The following MLLT3 variants were observed in gnomAD, a reference collection of about 807,000 sequenced individuals.
MLLT3 encodes MLLT3 super elongation complex subunit, also known as protein AF-9.
MLLT3 carries 4 observed loss-of-function variants against 53.2 expected under a neutral mutation model. The observed-to-expected ratio is 0.08, with a 90% CI of 0.04 to 0.17. The LOEUF (loss-of-function observed/expected upper bound fraction) is 0.17, where lower values mean the gene tolerates loss of function less well. Ranked by LOEUF, MLLT3 falls within the 10% of genes least tolerant of loss-of-function variation. The probability of loss-of-function intolerance (pLI) is 1.00; values close to 1 mark genes in which losing one functional copy is unlikely to be tolerated. For synonymous variants in MLLT3, 283 were observed against 230.6 expected (o/e 1.23, Z -2.06); for missense variants, 569 against 684.0 (o/e 0.83, Z 1.87).
At chr9:20,511,259 TA>T (rs75800263) in intron 2 of MLLT3, among the ~76,000 whole-genome samples, 2 of 151,894 alleles carry the variant, frequency 1.3e-5, no homozygotes, top group African/African-American at 2.4e-5. Flanking sequence ...TTTTGTAATT[TA>T]AAAAAAACTT....
chr9:20,621,871 T>A lies in MLLT3; in HGVS notation c.12+374A>T. ...CAGCTCCCGGCGGCGGCGGCTGAAATATGGCTGAGTTATTATTCGCCTCCT... is the reference window on the plus strand; with the variant it reads ...CAGCTCCCGGCGGCGGCGGCTGAAAAATGGCTGAGTTATTATTCGCCTCCT... On this transcript the variant is annotated intron_variant, in intron 1 of 10. Transcript: ENST00000380338. This position sits in a 1 kb window ranked among gnomAD's most constrained non-coding sequence, Gnocchi z 7.0. 5 of 1,372,822 alleles carry A rather than the reference T, an allele frequency of 3.6e-6. No individual in the cohort carries two copies. Among genetic ancestry groups the A allele is most frequent in the Non-Finnish European group, 4.7e-6 (5 of 1,071,760 alleles). 85.0% of individuals were successfully genotyped at this position (1,372,822 alleles called of 1,614,324 possible). A position where few individuals can be genotyped will look rare whatever the true frequency, so the allele number is the denominator to read the frequency against.
intron 2 of MLLT3, among the ~76,000 whole-genome samples, chr9:20,566,585 T>C (rs1819383714): frequency 1.3e-5 from 2 of 152,260 alleles, no homozygotes; most frequent in South Asian, 4.1e-4. Context: ...CTGTGCACTC[T>C]ATAAGAGCAA....
intron 2 of MLLT3, among the ~76,000 whole-genome samples, chr9:20,554,743 T>C (rs1004519578): frequency 6.6e-6 from 1 of 152,216 alleles, no homozygotes; most frequent in African/African-American, 2.4e-5. Context: ...TCTCCCATAA[T>C]ATACTTAGTA....
intron 2 of MLLT3, among the ~76,000 whole-genome samples, chr9:20,519,786 T>A (rs1818013483): frequency 6.6e-6 from 1 of 152,200 alleles, no homozygotes; most frequent in South Asian, 2.1e-4. Context: ...GAAGACAGTG[T>A]GGTGATTCCT....
intron 2 of MLLT3, among the ~76,000 whole-genome samples, chr9:20,490,899 A>G (rs1210503618): frequency 6.6e-6 from 1 of 152,168 alleles, no homozygotes; most frequent in Non-Finnish European, 1.5e-5. Flanking sequence ...TAATGACTAG[A>G]GTGGTTTACT....
At chr9:20,575,856 A>G (rs896876246) in intron 2 of MLLT3, among the ~76,000 whole-genome samples, 1 of 152,230 alleles carries the variant, frequency 6.6e-6, no homozygotes, top group Non-Finnish European at 1.5e-5. Flanking sequence ...ACTGGCTTCA[A>G]CTAAAAGTCA....
At chr9:20,382,836 T>C (rs189489044) in intron 5 of MLLT3, among the ~76,000 whole-genome samples, 15 of 152,088 alleles carry the variant, frequency 9.9e-5, no homozygotes, top group Admixed American at 2.6e-4. Flanking sequence ...TGCAGGGTTT[T>C]ATGAAGTACA....
chr9:20,351,974 C>G (rs1005449235), intron 10 of MLLT3, among the ~76,000 whole-genome samples: 3 of 152,220 alleles, frequency 2.0e-5, no homozygotes, highest in African/African-American at 7.2e-5. Context: ...ATGCTGTGTG[C>G]CCTGGAGTGC....
chr9:20,386,664 C>A (rs1372264931), intron 5 of MLLT3, among the ~76,000 whole-genome samples: 2 of 152,168 alleles, frequency 1.3e-5, no homozygotes, highest in Non-Finnish European at 2.9e-5. Flanking sequence ...TGGAATGAGA[C>A]AGCCAAGTGA....
In MLLT3 at chr9:20,622,439, A is replaced by C. The variant is rs1587142617; in HGVS notation, c.-183T>G. 4 of 560,222 alleles carry C rather than the reference A, an allele frequency of 7.1e-6. No individual in the cohort carries two copies. In the East Asian group the frequency reaches 1.3e-4, roughly 18 times the overall value. 34.7% of individuals were successfully genotyped at this position (560,222 alleles called of 1,614,324 possible). On this transcript the variant is annotated 5_prime_UTR_variant, in exon 1 of 11. Coordinates refer to ENST00000380338, the MANE Select transcript of MLLT3 (RefSeq NM_004529.4). Reference sequence around the variant, plus strand: ...GCTTGCTCGCTCGCTCGCTTATTAAACTCAGCCCCAAAAGCAAAAGCAGCA... The same window carrying C: ...GCTTGCTCGCTCGCTCGCTTATTAACCTCAGCCCCAAAAGCAAAAGCAGCA...
chr9:20,362,669 T>C (rs1398012794), intron 7 of MLLT3: 1 of 149,918 alleles, frequency 6.7e-6, no homozygotes, highest in African/African-American at 2.5e-5. Flanking sequence ...CATTGGCAAT[T>C]AGGAAGCATC....
intron 3 of MLLT3, among the ~76,000 whole-genome samples, chr9:20,451,862 C>T (rs1823847194): frequency 6.6e-6 from 1 of 152,172 alleles, no homozygotes; most frequent in South Asian, 2.1e-4. Flanking sequence ...TTCAGTGTCC[C>T]TGTTGGTTTA....
intron 5 of MLLT3, among the ~76,000 whole-genome samples, chr9:20,400,400 T>TA (rs1208257957): frequency 4.6e-5 from 7 of 152,172 alleles, no homozygotes; most frequent in Admixed American, 6.6e-5. Flanking sequence ...GAAAAAAACT[T>TA]ACGATATTTT....
At chr9:20,549,535 C>T (rs1818874566) in intron 2 of MLLT3, among the ~76,000 whole-genome samples, 1 of 152,166 alleles carries the variant, frequency 6.6e-6, no homozygotes, top group Admixed American at 6.5e-5. Context: ...CTCTAGAAAG[C>T]AGGTACTTTA....
intron 2 of MLLT3, among the ~76,000 whole-genome samples, chr9:20,476,552 T>G (rs1824526163): frequency 6.6e-6 from 1 of 151,894 alleles, no homozygotes; most frequent in Admixed American, 6.6e-5. Flanking sequence ...AATTCAAAAA[T>G]AAATGGTAAT....
intron 2 of MLLT3, among the ~76,000 whole-genome samples, chr9:20,503,634 G>C (rs369225581): frequency 5.5e-4 from 83 of 152,158 alleles, no homozygotes; most frequent in African/African-American, 2.0e-3. Context: ...ATTATTCTGG[G>C]TGATGATTCT....
intron 2 of MLLT3, among the ~76,000 whole-genome samples, chr9:20,500,602 A>G (rs1825198470): frequency 1.3e-5 from 2 of 152,234 alleles, no homozygotes; most frequent in Admixed American, 1.3e-4. Context: ...TCCCTGGGGC[A>G]TCAAGAACTA....
intron 4 of MLLT3, among the ~76,000 whole-genome samples, chr9:20,441,111 T>C (rs1823538963): frequency 6.6e-6 from 1 of 152,200 alleles, no homozygotes; most frequent in African/African-American, 2.4e-5. Flanking sequence ...GCTTAGTTTA[T>C]GCAGTAATGG....
chr9:20,499,157 T>C (rs1825156155), intron 2 of MLLT3, among the ~76,000 whole-genome samples: 1 of 152,300 alleles, frequency 6.6e-6, no homozygotes, highest in Middle Eastern at 3.4e-3. Context: ...CCTCTGTATC[T>C]TCATATAAAG....
Sources: gnomAD v4.1 joint callset for allele counts (sites outside exome capture counted in the v4.1 genomes callset) on GRCh38, gnomAD v4.1.1 for gene constraint, Gnocchi (gnomAD v3.1) non-coding constraint, MANE v1.5 for transcripts, NCBI Gene and HGNC (gene_info 2026-07-23, HGNC 2026-07-21) for gene names.